Variants in TACR3 observed in about 807,000 individuals in gnomAD.
TACR3 encodes the protein tachykinin receptor 3, also known as neuromedin-K receptor.
In TACR3, 34 loss-of-function variants were observed where a neutral mutation model predicts 35.0. That is an observed-to-expected ratio of 0.97 (90% confidence interval 0.74 to 1.30). The LOEUF is 1.30. TACR3 is among the 50% of genes most tolerant of loss of function. TACR3 has a pLI of 0.00. For missense variants in TACR3, 558 were observed against 591.7 expected, an observed-to-expected ratio of 0.94 and a Z score of 0.59; for synonymous variants, 233 against 221.1, an observed-to-expected ratio of 1.05 and a Z score of -0.48.
At chr4:103,616,695 T>TTC in intron 3 of TACR3, among the ~76,000 whole-genome samples, 1 of 152,056 alleles carries the variant, frequency 6.6e-6, no homozygotes, top group African/African-American at 2.4e-5. Flanking sequence ...GCCTGTAATT[T>TTC]CAGACCTTCG....
chr4:103,618,889 T>G lies in TACR3; in HGVS notation c.889-27206A>C, dbSNP rs549548894. 2.6e-5 allele frequency among the ~76,000 whole-genome samples: 4 copies of G among 152,260 alleles called. No homozygotes were observed. In the South Asian group the frequency reaches 6.2e-4, roughly 24 times the overall value. On this transcript the variant is annotated intron_variant, in intron 3 of 4. Coordinates refer to ENST00000304883, the MANE Select transcript of TACR3 (RefSeq NM_001059.3). The stretch of plus-strand genomic sequence containing the variant: ...TGAGATGGTGCTTTTGATTTATCTC[T>G]CAGCCTGGAATGCTGGTATATAGAA...
chr4:103,708,601 C>T (rs1722855944), intron 1 of TACR3, among the ~76,000 whole-genome samples: 1 of 152,202 alleles, frequency 6.6e-6, no homozygotes, highest in Non-Finnish European at 1.5e-5. Flanking sequence ...CGGAGCACCT[C>T]TCCCCCTCCA....
At chr4:103,654,552 G>C (rs986641840) in intron 3 of TACR3, among the ~76,000 whole-genome samples, 1 of 104,498 alleles carries the variant, frequency 9.6e-6, no homozygotes, top group African/African-American at 3.7e-5. Flanking sequence ...GTTGTGGGGT[G>C]GGGGGAGGGG....
chr4:103,683,146 T>G lies in TACR3; in HGVS notation c.549-24743A>C, dbSNP rs572936784. ...AAAAAGTCTACAGAAATCTAGAAAATATTTTGAACAGAATGAAAATGTAAA... is the reference window on the plus strand; with the variant it reads ...AAAAAGTCTACAGAAATCTAGAAAAGATTTTGAACAGAATGAAAATGTAAA... On this transcript the variant is annotated intron_variant, in intron 1 of 4. Transcript: ENST00000304883. Among the ~76,000 whole-genome samples, 232 of 152,126 alleles carry G rather than the reference T, an allele frequency of 1.5e-3. 1 individual carries two copies. Among genetic ancestry groups the G allele is most frequent in the Admixed American group, 2.9e-3 (44 of 15,262 alleles).
In TACR3 at chr4:103,703,016, C is replaced by T. The variant is rs182955582; in HGVS notation, c.548+16112G>A. Among the ~76,000 whole-genome samples, 635 of 151,428 alleles carry T rather than the reference C, an allele frequency of 4.2e-3. 2 individuals are homozygous for T. Among genetic ancestry groups the T allele is most frequent in the Non-Finnish European group, 6.9e-3 (466 of 67,792 alleles). On this transcript the variant is annotated intron_variant, in intron 1 of 4. Coordinates refer to ENST00000304883, the MANE Select transcript of TACR3 (RefSeq NM_001059.3). ...TGTATACATATGTAACAAACCTGCG[C>T]GTTGTGCACATGTACCCTAAAAGTT...
chr4:103,614,154 G>A (rs912073639), intron 3 of TACR3, among the ~76,000 whole-genome samples: 2 of 145,698 alleles, frequency 1.4e-5, no homozygotes, highest in Admixed American at 6.6e-5. Context: ...TGAATGTTTA[G>A]TTCTATTACT....
intron 3 of TACR3, among the ~76,000 whole-genome samples, chr4:103,605,674 T>G (rs1157644162): frequency 1.3e-5 from 2 of 152,250 alleles, no homozygotes; most frequent in African/African-American, 4.8e-5. Flanking sequence ...TCGATGGGGT[T>G]GTTTTTTTCT....
intron 3 of TACR3, among the ~76,000 whole-genome samples, chr4:103,639,082 A>T (rs1250010238): frequency 3.9e-5 from 6 of 152,144 alleles, no homozygotes; most frequent in Admixed American, 6.6e-5. Context: ...CAGCCATCCC[A>T]TTACTGGGTA....
At chr4:103,618,768 C>A (rs1375888369) in intron 3 of TACR3, among the ~76,000 whole-genome samples, 1 of 151,958 alleles carries the variant, frequency 6.6e-6, no homozygotes, top group Admixed American at 6.6e-5. Context: ...TCTCTGATTT[C>A]TTTCAGCAGT....
At chr4:103,646,548 T>C (rs1725458981) in intron 3 of TACR3, among the ~76,000 whole-genome samples, 1 of 152,160 alleles carries the variant, frequency 6.6e-6, no homozygotes. Context: ...AATTAGTCAT[T>C]GGTCTTGTAG....
chr4:103,706,517 G>C (rs1047443250), intron 1 of TACR3, among the ~76,000 whole-genome samples: 2 of 151,848 alleles, frequency 1.3e-5, no homozygotes, highest in Middle Eastern at 3.4e-3. Flanking sequence ...ATATATCTGT[G>C]TATATATACA....
At chr4:103,648,553 G>T (rs1378814396) in intron 3 of TACR3, among the ~76,000 whole-genome samples, 2 of 151,866 alleles carry the variant, frequency 1.3e-5, no homozygotes, top group African/African-American at 4.8e-5. Context: ...ATCTTTCTGT[G>T]CCTGGCTTAT....
At chr4:103,684,232 A>C (rs1295620221) in intron 1 of TACR3, among the ~76,000 whole-genome samples, 1 of 152,156 alleles carries the variant, frequency 6.6e-6, no homozygotes, top group Admixed American at 6.6e-5. Flanking sequence ...AGTCATAAAA[A>C]AGAATGGATA....
At chr4:103,597,913 A>T (rs1208672372) in intron 3 of TACR3, among the ~76,000 whole-genome samples, 1 of 152,196 alleles carries the variant, frequency 6.6e-6, no homozygotes, top group Non-Finnish European at 1.5e-5. Context: ...CTATAAACAT[A>T]CGTGTGCATG....
At chr4:103,621,257 C>T (rs1287214166) in intron 3 of TACR3, among the ~76,000 whole-genome samples, 1 of 152,136 alleles carries the variant, frequency 6.6e-6, no homozygotes, top group African/African-American at 2.4e-5. Flanking sequence ...GTAACCAAAA[C>T]TCATGCCTCC....
rs374742966 is a variant in TACR3 at position 103,606,486 on chromosome 4, CCT to C, written c.889-14805_889-14804del. On this transcript the variant is annotated intron_variant, in intron 3 of 4. Coordinates refer to ENST00000304883, the MANE Select transcript of TACR3 (RefSeq NM_001059.3). The stretch of plus-strand genomic sequence containing the variant: ...GGACTGTTCTTCCATTTGTTTGTAT[CCT>C]CTTTTATTTCACTGAGCAGTGGTTT... Among the ~76,000 whole-genome samples the C allele has an allele frequency of 1.5e-3, 222 of 152,202 alleles. 2 individuals carry two copies. In the East Asian group the frequency reaches 0.015, roughly 10 times the overall value.
At chr4:103,659,569 G>GAA (rs1449774173) in intron 1 of TACR3, among the ~76,000 whole-genome samples, 3 of 152,166 alleles carry the variant, frequency 2.0e-5, no homozygotes, top group African/African-American at 7.2e-5. Flanking sequence ...ATGCCTTCCT[G>GAA]TTATACCTCA....
rs114291264 is a variant in TACR3, at chr4:103,635,975, C to T, written c.888+20219G>A. Among the ~76,000 whole-genome samples, 296 of 150,872 alleles carry T rather than the reference C, an allele frequency of 2.0e-3. 1 individual carries two copies. Among genetic ancestry groups the T allele is most frequent in the Middle Eastern group, 0.017 (5 of 292 alleles). The stretch of plus-strand genomic sequence containing the variant: ...ACAGTCTCTCTCTCTTTCTCCCCCT[C>T]CCTCGTCCTTCTTCCTCTCTCATAG... On this transcript the variant is annotated intron_variant, in intron 3 of 4. Coordinates refer to ENST00000304883, the MANE Select transcript of TACR3 (RefSeq NM_001059.3).
chr4:103,590,423 T>TA (rs1723867576), intron 4 of TACR3, among the ~76,000 whole-genome samples: 1 of 152,214 alleles, frequency 6.6e-6, no homozygotes. Flanking sequence ...TACACATTTA[T>TA]AAATTAAAGT....
Sources: allele counts gnomAD v4.1 joint callset (sites outside exome capture counted in the v4.1 genomes callset), GRCh38; gene constraint gnomAD v4.1.1; transcripts MANE v1.5; gene names NCBI Gene and HGNC (gene_info 2026-07-23, HGNC 2026-07-21).